Variants in MAP2 observed in about 807,000 individuals in gnomAD.
MAP2 encodes the protein microtubule-associated protein 2.
Under a neutral mutation model 137.6 loss-of-function variants are expected in MAP2, and 14 were observed. That is an observed-to-expected ratio of 0.10 (90% CI 0.07 to 0.16). The LOEUF is 0.16. Ranked by LOEUF, MAP2 falls within the 10% of genes least tolerant of loss-of-function variation. The pLI is 1.00. For synonymous variants in MAP2, 786 were observed against 782.3 expected (o/e 1.00, Z -0.08); for missense variants, 2,088 against 2,191.5 (o/e 0.95, Z 0.94).
At chr2:209,591,144 CAA>C (rs1238646675) in intron 3 of MAP2, among the ~76,000 whole-genome samples, 1 of 152,116 alleles carries the variant, frequency 6.6e-6, no homozygotes, top group Non-Finnish European at 1.5e-5. Context: ...TTTACAAAGA[CAA>C]AGAGCTAATT....
intron 7 of MAP2, among the ~76,000 whole-genome samples, chr2:209,684,182 T>G (rs1345453822): frequency 1.3e-5 from 2 of 152,192 alleles, no homozygotes; most frequent in African/African-American, 4.8e-5. Context: ...GCTATTAGAA[T>G]TTGGAAGGCT....
At chr2:209,585,799 A>T (rs2077559451) in intron 3 of MAP2, among the ~76,000 whole-genome samples, 1 of 152,192 alleles carries the variant, frequency 6.6e-6, no homozygotes, top group Non-Finnish European at 1.5e-5. Context: ...AAATCACTGT[A>T]TTCTATTTTG....
At chr2:209,453,906 C>T (rs973975534) in intron 1 of MAP2, among the ~76,000 whole-genome samples, 2 of 152,014 alleles carry the variant, frequency 1.3e-5, no homozygotes, top group African/African-American at 4.8e-5. Context: ...AATCCCAGAA[C>T]TTTGGGAGGC....
In MAP2 at chr2:209,525,862, A is replaced by C. The variant is rs138633722; in HGVS notation, c.-172+18221A>C. ...TTTTTCTCCTAAGAAAGTCTGGGGA[A>C]AAAACTCTTCACTATAGTAACTGAT... On this transcript the variant is annotated intron_variant, in intron 2 of 15. Transcript: ENST00000682079. Among the ~76,000 whole-genome samples, 80 of 152,286 alleles carry C rather than the reference A, an allele frequency of 5.3e-4. 1 individual carries two copies. The East Asian group carries it at 0.015, about 28-fold the overall frequency.
chr2:209,603,645 G>A (rs1182432824), intron 3 of MAP2, among the ~76,000 whole-genome samples: 1 of 152,150 alleles, frequency 6.6e-6, no homozygotes, highest in Non-Finnish European at 1.5e-5. Context: ...TGAGGTGTGA[G>A]ATTTCTCATC....
At chr2:209,565,273 A>C (rs1286043933) in intron 2 of MAP2, among the ~76,000 whole-genome samples, 1 of 152,132 alleles carries the variant, frequency 6.6e-6, no homozygotes, top group East Asian at 1.9e-4. Flanking sequence ...GCTGGAGTGC[A>C]GTGACATGAT....
Position 209,710,037 on chromosome 2 carries a change from C to G in MAP2, c.4856C>G (p.Thr1619Ser). 6.2e-7 allele frequency: 1 copy of G among 1,614,072 alleles called. No individual in the cohort carries two copies. Residue 1619 changes from threonine to serine, a missense_variant, in exon 13 of 16, where the codon ACC (threonine) becomes AGC (serine). This residue lies in a region of MAP2 where 591 missense variants were observed against 642.6 expected (regional missense o/e 0.92). Coordinates refer to ENST00000682079, the MANE Select transcript of MAP2 (RefSeq NM_001375505.1). ...TCACGCACACCAGGCACTCCTGGAA[C>G]CCCTAGCTATCCCAGGACCCCTCAC... ...YSSRTPGTPGTPSYPRTPHTP... is the reference protein window; with the variant it reads ...YSSRTPGTPGSPSYPRTPHTP...
intron 6 of MAP2, among the ~76,000 whole-genome samples, chr2:209,679,328 T>C (rs2053424102): frequency 1.3e-5 from 1 of 76,860 alleles, no homozygotes; most frequent in South Asian, 3.6e-4. Flanking sequence ...TACTCATAGA[T>C]AGATAGATAG....
rs2076122844 is a variant in MAP2, at chr2:209,733,981, A to G, written c.*3584A>G. On this transcript the variant is annotated 3_prime_UTR_variant, in exon 16 of 16. Transcript: ENST00000682079. ...GGGGTTTCTTTCTTCTGATAATTCT[A>G]GAGCCTGTTACCATAGAAAGGCATT... The G allele has an allele frequency of 6.6e-6, 1 of 152,620 alleles. No homozygotes were observed. The highest frequency in any genetic ancestry group is 6.5e-5 in the Admixed American group (1 of 15,272). The allele number at this position is 152,620 out of a possible 1,614,324, so 9.5% of individuals were successfully genotyped here. A position where few individuals can be genotyped will look rare whatever the true frequency, so the allele number is the denominator to read the frequency against.
chr2:209,461,294 C>T (rs1470460877), intron 1 of MAP2, among the ~76,000 whole-genome samples: 1 of 152,190 alleles, frequency 6.6e-6, no homozygotes, highest in East Asian at 1.9e-4. Context: ...TTTAGTTACT[C>T]AGTTGCACTG....
chr2:209,680,668 A>T (rs1028867043), intron 6 of MAP2, 82 bp from the exon 7 acceptor site: 33 of 1,238,324 alleles, frequency 2.7e-5, no homozygotes, highest in Non-Finnish European at 3.8e-5. Flanking sequence ...AGGTCTTTTT[A>T]CAAATGGCAG....
chr2:209,613,385 A>G (rs922992706), intron 3 of MAP2, among the ~76,000 whole-genome samples: 4 of 152,218 alleles, frequency 2.6e-5, no homozygotes, highest in Non-Finnish European at 5.9e-5. Context: ...CAAAAATAAA[A>G]TCATAAACAA....
At chr2:209,564,827 T>C (rs2073051661) in intron 2 of MAP2, among the ~76,000 whole-genome samples, 1 of 152,158 alleles carries the variant, frequency 6.6e-6, no homozygotes, top group Non-Finnish European at 1.5e-5. Flanking sequence ...ATTTCTGAGC[T>C]CCACTTCCAT....
At chr2:209,664,288 G>A (rs1228664298) in intron 5 of MAP2, among the ~76,000 whole-genome samples, 2 of 152,266 alleles carry the variant, frequency 1.3e-5, no homozygotes, top group African/African-American at 4.8e-5. Context: ...GGTGGCTTGC[G>A]CCTGTAATCC....
chr2:209,516,508 G>A (rs1288851630), intron 2 of MAP2, among the ~76,000 whole-genome samples: 2 of 152,008 alleles, frequency 1.3e-5, no homozygotes, highest in East Asian at 3.9e-4. Context: ...ACCAATAGAG[G>A]AGAATCAGTT....
chr2:209,499,887 C>T (rs2060180888), intron 1 of MAP2, among the ~76,000 whole-genome samples: 2 of 152,136 alleles, frequency 1.3e-5, no homozygotes, highest in Admixed American at 1.3e-4. Context: ...GAGAGCTCTG[C>T]CCCCATTATC....
At chr2:209,500,367 C>T (rs1476012861) in intron 1 of MAP2, among the ~76,000 whole-genome samples, 1 of 152,186 alleles carries the variant, frequency 6.6e-6, no homozygotes, top group Non-Finnish European at 1.5e-5. Flanking sequence ...TTTTTCCAAA[C>T]ACCCCCTGGG....
chr2:209,610,476 T>TC (rs2086458926), intron 3 of MAP2, among the ~76,000 whole-genome samples: 1 of 151,952 alleles, frequency 6.6e-6, no homozygotes, highest in Admixed American at 6.6e-5. Flanking sequence ...GGCTTAGCTG[T>TC]GTTAAGAAAG....
At chr2:209,540,562 CG>C (rs2066787269) in intron 2 of MAP2, among the ~76,000 whole-genome samples, 1 of 117,828 alleles carries the variant, frequency 8.5e-6, no homozygotes, top group Admixed American at 1.1e-4. Flanking sequence ...ACCCAGGAGG[CG>C]GAGGTTGCAG....
Sources: gnomAD v4.1 joint callset for allele counts (sites outside exome capture counted in the v4.1 genomes callset) on GRCh38, gnomAD v4.1.1 for gene constraint, gnomAD v4.1.1 regional missense constraint, MANE v1.5 for transcripts, NCBI Gene and HGNC (gene_info 2026-07-23, HGNC 2026-07-21) for gene names.